PCDHGA8: variants seen among roughly 807,000 people sequenced by gnomAD.
The protein encoded by PCDHGA8 is protocadherin gamma subfamily A, 8, also known as protocadherin gamma-A8.
In PCDHGA8, 45 loss-of-function variants were observed where a neutral mutation model predicts 59.2. The ratio of observed to expected loss-of-function variants is 0.76; its 90% CI spans 0.60 to 0.98. PCDHGA8 has a LOEUF of 0.98. PCDHGA8 is among the 50% of genes least tolerant of loss of function. PCDHGA8 has a pLI of 0.00. For missense variants in PCDHGA8, 1,257 were observed against 1,196.2 expected, an observed-to-expected ratio of 1.05 and a Z score of -0.75; for synonymous variants, 531 against 519.0, an observed-to-expected ratio of 1.02 and a Z score of -0.32.
chr5:141,437,591 G>T (rs1177672004), intron 1 of PCDHGA8, among the ~76,000 whole-genome samples: 5 of 152,170 alleles, frequency 3.3e-5, no homozygotes, highest in Non-Finnish European at 7.3e-5. Flanking sequence ...GAATTGGATA[G>T]TTCTGGTGTA....
At chr5:141,470,838 C>T (rs142581300) in intron 1 of PCDHGA8, among the ~76,000 whole-genome samples, 5 of 152,222 alleles carry the variant, frequency 3.3e-5, no homozygotes, top group African/African-American at 7.2e-5. Flanking sequence ...CAAACACACG[C>T]CACCATGCTC....
intron 1 of PCDHGA8, among the ~76,000 whole-genome samples, chr5:141,438,139 T>C (rs2097931816): frequency 6.6e-6 from 1 of 152,152 alleles, no homozygotes. Context: ...TGGCAAAAGA[T>C]AGCCAGCCTA....
intron 1 of PCDHGA8, chr5:141,423,606 GAT>G: frequency 6.2e-7 from 1 of 1,612,164 alleles, no homozygotes; most frequent in African/African-American, 1.3e-5. Flanking sequence ...AGCCACTCTT[GAT>G]AGCTGAAGAC....
At chr5:141,450,225 C>A (rs1294362576) in intron 1 of PCDHGA8, among the ~76,000 whole-genome samples, 1 of 151,976 alleles carries the variant, frequency 6.6e-6, no homozygotes, top group Non-Finnish European at 1.5e-5. Flanking sequence ...ACTATGTTGG[C>A]CAGGCTAGTC....
chr5:141,474,970 A>G (rs1309289477), intron 1 of PCDHGA8, among the ~76,000 whole-genome samples: 4 of 152,212 alleles, frequency 2.6e-5, no homozygotes, highest in African/African-American at 9.6e-5. Context: ...TAATCATTAT[A>G]ATTTTGTTTG....
At chr5:141,450,608 T>A (rs916441293) in intron 1 of PCDHGA8, among the ~76,000 whole-genome samples, 1 of 151,894 alleles carries the variant, frequency 6.6e-6, no homozygotes, top group East Asian at 1.9e-4. Flanking sequence ...TGCCTCAGCC[T>A]CCTGAGTAGC....
At chr5:141,475,448 G>A (rs774710049) in intron 1 of PCDHGA8, among the ~76,000 whole-genome samples, 1 of 152,214 alleles carries the variant, frequency 6.6e-6, no homozygotes, top group Non-Finnish European at 1.5e-5. Flanking sequence ...CAGATAATGA[G>A]GAAGTGACAG....
chr5:141,392,812 C>T lies in PCDHGA8; in HGVS notation c.-2C>T, dbSNP rs2092600989. The T allele has an allele frequency of 1.3e-6, 2 of 1,583,404 alleles. No individual in the cohort carries two copies. Among genetic ancestry groups the T allele is most frequent in the East Asian group, 4.5e-5 (2 of 44,482 alleles). On this transcript the variant is annotated 5_prime_UTR_variant, in exon 1 of 4. Coordinates refer to ENST00000398604, the MANE Select transcript of PCDHGA8 (RefSeq NM_032088.2). ...CTGAGAGGATTCTGCAGCAAAACAA[C>T]AATGGCCGCTCCACAGAGTCGCCCC...
chr5:141,425,401 T>C (rs1280463432), intron 1 of PCDHGA8, among the ~76,000 whole-genome samples: 1 of 152,234 alleles, frequency 6.6e-6, no homozygotes, highest in Non-Finnish European at 1.5e-5. Context: ...AAAGTTCTGT[T>C]AAGGTATAAC....
rs372466798 is a variant in PCDHGA8 at position 141,413,407 on chromosome 5, C to T, written c.2424+18170C>T. On this transcript the variant is annotated intron_variant, in intron 1 of 3. Transcript: ENST00000398604. ...CATAGTCTCCAGAGGTAGGACGCAG[C>T]TTTTCTCTCTGAACCCGCGCAGCGG... The T allele has an allele frequency of 6.2e-7, 1 of 1,614,044 alleles. No individual in the cohort carries two copies. The highest frequency in any genetic ancestry group is 8.5e-7 in the Non-Finnish European group (1 of 1,179,938).
chr5:141,421,597 AT>A (rs2096587022), intron 1 of PCDHGA8: 1 of 1,613,878 alleles, frequency 6.2e-7, no homozygotes, highest in Non-Finnish European at 8.5e-7. Flanking sequence ...GGAGGTGGAA[AT>A]AATAGATATT....
At chr5:141,494,776 C>T in intron 1 of PCDHGA8, 31 bp from the exon 2 acceptor site, 1 of 1,614,100 alleles carries the variant, frequency 6.2e-7, no homozygotes, top group East Asian at 2.2e-5. Context: ...CTCACGGGTA[C>T]TCAGCCCCTT....
chr5:141,402,710 C>T (rs2094297033), intron 1 of PCDHGA8, among the ~76,000 whole-genome samples: 1 of 152,092 alleles, frequency 6.6e-6, no homozygotes, highest in African/African-American at 2.4e-5. Context: ...GGTGTAGTAA[C>T]GGCTTAGGAC....
At chr5:141,483,291 A>T (rs767446911) in intron 1 of PCDHGA8, among the ~76,000 whole-genome samples, 4 of 152,126 alleles carry the variant, frequency 2.6e-5, no homozygotes, top group African/African-American at 4.8e-5. Flanking sequence ...TGTCAGTCAT[A>T]AGTGAAGGGA....
Position 141,486,585 on chromosome 5 carries a change from G to A in PCDHGA8, c.2425-8222G>A. The A allele has an allele frequency of 6.2e-7, 1 of 1,613,708 alleles. No individual in the cohort carries two copies. The highest frequency in any genetic ancestry group is 1.1e-5 in the South Asian group (1 of 91,080). ...TTTGTTCCTGAGAACAATCGCCCAG[G>A]GGACCTGCTTTGCTCCCTTGCAGCC... On this transcript the variant is annotated intron_variant, in intron 1 of 3. Transcript: ENST00000398604. The surrounding 1 kb of genome is among the most constrained non-coding windows in gnomAD (Gnocchi z 5.0).
chr5:141,405,261 T>TC, intron 1 of PCDHGA8: 1 of 1,613,852 alleles, frequency 6.2e-7, no homozygotes. Context: ...CACCTGATCT[T>TC]CCCCCAGCCC....
chr5:141,438,591 C>CATAT (rs946798767), intron 1 of PCDHGA8, among the ~76,000 whole-genome samples: 211 of 75,392 alleles, frequency 2.8e-3, no homozygotes, highest in Non-Finnish European at 4.1e-3. Context: ...TACATACATA[C>CATAT]ATATATATAT....
At chr5:141,408,815 C>T (rs770899981) in intron 1 of PCDHGA8, 1 of 1,613,406 alleles carries the variant, frequency 6.2e-7, no homozygotes, top group Non-Finnish European at 8.5e-7. Flanking sequence ...CCGGGAAGAA[C>T]AGAGATCTCA....
chr5:141,399,946 G>A (rs911365297), intron 1 of PCDHGA8: 1 of 1,612,270 alleles, frequency 6.2e-7, no homozygotes, highest in African/African-American at 1.3e-5. Context: ...CGTGCTGCAG[G>A]CTAGCGAGCC....
Sources: allele counts gnomAD v4.1 joint callset (sites outside exome capture counted in the v4.1 genomes callset), GRCh38; gene constraint gnomAD v4.1.1; non-coding constraint Gnocchi (gnomAD v3.1); transcripts MANE v1.5; gene names NCBI Gene and HGNC (gene_info 2026-07-23, HGNC 2026-07-21).